The following ARHGAP26 variants were observed in gnomAD, a reference collection of about 807,000 sequenced individuals.
ARHGAP26 encodes rho GTPase-activating protein 26.
ARHGAP26 carries 38 observed loss-of-function variants against 104.8 expected under a neutral mutation model. The observed-to-expected ratio is 0.36, with a 90% CI of 0.28 to 0.48. The LOEUF is 0.48. ARHGAP26 is among the 20% of genes least tolerant of loss of function. ARHGAP26 has a pLI of 0.99. For missense variants in ARHGAP26, 704 were observed against 947.9 expected, an observed-to-expected ratio of 0.74 and a Z score of 3.38; for synonymous variants, 341 against 340.0, an observed-to-expected ratio of 1.00 and a Z score of -0.03.
At chr5:142,770,953 G>A (rs772485891) in intron 1 of ARHGAP26, 38 bp downstream of exon 1, 4 of 1,573,246 alleles carry the variant, frequency 2.5e-6, no homozygotes, top group Admixed American at 1.8e-5. Flanking sequence ...CGGCTCCGGG[G>A]CGGGAGGAAC....
Position 142,851,228 on chromosome 5 carries a change from T to C in ARHGAP26, c.155-22172T>C, listed in dbSNP as rs375988873. ...TTTTCTGCCTCAGCCTCCCGAGTAG[T>C]TGGGATTACAGATGTGTGCCACCAT... On this transcript the variant is annotated intron_variant, in intron 1 of 22. Coordinates refer to ENST00000645722, the MANE Select transcript of ARHGAP26 (RefSeq NM_001135608.3). Among the ~76,000 whole-genome samples, 1,158 of 151,436 alleles carry C rather than the reference T, an allele frequency of 7.6e-3. 18 individuals are homozygous for C. The highest frequency in any genetic ancestry group is 8.4e-3 in the Non-Finnish European group (574 of 67,950).
intron 3 of ARHGAP26, 66 bp from the exon 4 acceptor site, chr5:142,879,308 C>A: frequency 7.0e-7 from 1 of 1,436,122 alleles, no homozygotes; most frequent in Non-Finnish European, 9.8e-7. Context: ...CATGCTGGAG[C>A]TGCTGTAATT....
chr5:142,933,096 T>G (rs1367192093), intron 11 of ARHGAP26, among the ~76,000 whole-genome samples: 1 of 152,250 alleles, frequency 6.6e-6, no homozygotes, highest in African/African-American at 2.4e-5. Context: ...AAATATAAGA[T>G]AGCTCTGATT....
At chr5:142,895,101 G>T (rs1370816772) in intron 6 of ARHGAP26, among the ~76,000 whole-genome samples, 1 of 152,330 alleles carries the variant, frequency 6.6e-6, no homozygotes, top group South Asian at 2.1e-4. Context: ...ATAGTATATG[G>T]ACCTCAATTT....
At chr5:142,995,015 C>A (rs1329973973) in intron 11 of ARHGAP26, among the ~76,000 whole-genome samples, 1 of 152,140 alleles carries the variant, frequency 6.6e-6, no homozygotes, top group Non-Finnish European at 1.5e-5. Flanking sequence ...AAAATTAACT[C>A]CAGATGGATT....
chr5:143,217,221 C>T (rs143717344), intron 22 of ARHGAP26, among the ~76,000 whole-genome samples: 3 of 152,176 alleles, frequency 2.0e-5, no homozygotes, highest in African/African-American at 4.8e-5. Context: ...TCTGTTGTTT[C>T]GTAATGATTA....
At chr5:143,133,450 G>A (rs566937827) in intron 18 of ARHGAP26, among the ~76,000 whole-genome samples, 3 of 152,276 alleles carry the variant, frequency 2.0e-5, no homozygotes, top group Non-Finnish European at 4.4e-5. Context: ...CTGCAGCTGA[G>A]GACAATTGAT....
intron 11 of ARHGAP26, among the ~76,000 whole-genome samples, chr5:142,949,954 TA>T: frequency 6.6e-6 from 1 of 152,260 alleles, no homozygotes. Flanking sequence ...TGAGAATAAG[TA>T]TTTGGAGGAG....
At chr5:142,824,127 A>G (rs1238230848) in intron 1 of ARHGAP26, among the ~76,000 whole-genome samples, 3 of 151,978 alleles carry the variant, frequency 2.0e-5, no homozygotes, top group Non-Finnish European at 2.9e-5. Context: ...GAGTTTCAGT[A>G]TGTTGTGTGT....
chr5:142,849,550 T>G (rs1461049528), intron 1 of ARHGAP26, among the ~76,000 whole-genome samples: 1 of 152,180 alleles, frequency 6.6e-6, no homozygotes, highest in Non-Finnish European at 1.5e-5. Flanking sequence ...TTGCTCACCT[T>G]CTTTGTCCTG....
chr5:142,774,962 A>G (rs1325010424), intron 1 of ARHGAP26, among the ~76,000 whole-genome samples: 2 of 151,996 alleles, frequency 1.3e-5, no homozygotes, highest in Non-Finnish European at 2.9e-5. Flanking sequence ...TAGATGTGCC[A>G]TAGTTTATCC....
intron 9 of ARHGAP26, chr5:142,908,673 G>A (rs906759984): frequency 1.2e-5 from 2 of 161,112 alleles, no homozygotes; most frequent in Admixed American, 6.5e-5. Flanking sequence ...CAGTTTCAGT[G>A]GGGGAGGAGG....
chr5:142,780,676 T>G (rs1757311289), intron 1 of ARHGAP26, among the ~76,000 whole-genome samples: 1 of 152,238 alleles, frequency 6.6e-6, no homozygotes, highest in Admixed American at 6.5e-5. Context: ...AGACCTTGTT[T>G]GTGTTCCTAG....
At chr5:142,944,700 A>G (rs1252835450) in intron 11 of ARHGAP26, among the ~76,000 whole-genome samples, 1 of 152,190 alleles carries the variant, frequency 6.6e-6, no homozygotes, top group Non-Finnish European at 1.5e-5. Flanking sequence ...TTTTATACAA[A>G]AATGTATGTA....
At chr5:143,180,991 G>C (rs993442411) in intron 20 of ARHGAP26, among the ~76,000 whole-genome samples, 2 of 152,126 alleles carry the variant, frequency 1.3e-5, no homozygotes, top group Admixed American at 1.3e-4. Context: ...ATGGAAACCT[G>C]GCCAGCTTCC....
At chr5:142,861,552 C>T (rs187539990) in intron 1 of ARHGAP26, among the ~76,000 whole-genome samples, 5 of 152,108 alleles carry the variant, frequency 3.3e-5, no homozygotes, top group Admixed American at 6.6e-5. Context: ...TGTGGACTGA[C>T]GGTGAGGAGG....
At chr5:143,004,411 A>G (rs915085021) in intron 11 of ARHGAP26, among the ~76,000 whole-genome samples, 1 of 152,194 alleles carries the variant, frequency 6.6e-6, no homozygotes, top group African/African-American at 2.4e-5. Context: ...CTGTTTTGGA[A>G]TCTGTCCAGG....
chr5:142,877,537 C>T (rs1197869447), intron 3 of ARHGAP26, among the ~76,000 whole-genome samples: 1 of 152,212 alleles, frequency 6.6e-6, no homozygotes, highest in Non-Finnish European at 1.5e-5. Context: ...CCTTATTCCT[C>T]ACCATCTGCA....
At chr5:142,779,369 G>C (rs1313989797) in intron 1 of ARHGAP26, among the ~76,000 whole-genome samples, 1 of 152,130 alleles carries the variant, frequency 6.6e-6, no homozygotes, top group African/African-American at 2.4e-5. Context: ...GGGTAAGCTG[G>C]AGACTGGGCA....
Sources: gnomAD v4.1 joint callset for allele counts (sites outside exome capture counted in the v4.1 genomes callset) on GRCh38, gnomAD v4.1.1 for gene constraint, MANE v1.5 for transcripts, NCBI Gene and HGNC (gene_info 2026-07-23, HGNC 2026-07-21) for gene names.